EBNA1BP2: variants seen among roughly 807,000 people sequenced by gnomAD.
EBNA1BP2 encodes EBNA1 binding protein 2.
EBNA1BP2 carries 36 observed loss-of-function variants against 43.5 expected under a neutral mutation model. The observed-to-expected ratio is 0.83, with a 90% CI of 0.63 to 1.09. The LOEUF is 1.09. Ranked by LOEUF, EBNA1BP2 falls within the 50% of genes least tolerant of loss-of-function variation. The pLI is 0.00. For synonymous variants in EBNA1BP2, 127 were observed against 141.3 expected (o/e 0.90, Z 0.72); for missense variants, 332 against 379.1 (o/e 0.88, Z 1.03).
In EBNA1BP2 at chr1:43,168,980, T is replaced by A; in HGVS notation, c.496A>T (p.Lys166Ter). 1.2e-6 allele frequency: 2 copies of A among 1,614,164 alleles called. No individual in the cohort carries two copies. The highest frequency in any genetic ancestry group is 1.7e-6 in the Non-Finnish European group (2 of 1,180,028). ...TKQAAMERSE[K>*]AKQLRALRKY... ...CTAAGTGCTCGCAGTTGCTTAGCTT[T>A]TTCAGACCTCTCCATGGCAGCCTGT... Residue 166 changes from lysine to a stop codon, truncating the protein, a stop_gained, in exon 5 of 9, where the codon AAA becomes TAA. Transcript: ENST00000236051. LOFTEE classifies it high-confidence loss of function.
In EBNA1BP2 at chr1:43,167,245, G is replaced by T; in HGVS notation, c.538-10C>A. ...GAACCTCCGTTTGCACCTGTGATAT[G>T]AACACAAGGACCGTTACAGCCATTC... On this transcript the variant is annotated splice_polypyrimidine_tract_variant and intron_variant, in intron 5 of 8. Coordinates refer to ENST00000236051, the MANE Select transcript of EBNA1BP2 (RefSeq NM_006824.3). 2 of 1,613,850 alleles carry T rather than the reference G, an allele frequency of 1.2e-6. No individual in the cohort carries two copies. Among genetic ancestry groups the T allele is most frequent in the Non-Finnish European group, 1.7e-6 (2 of 1,179,824 alleles).
intron 4 of EBNA1BP2, among the ~76,000 whole-genome samples, chr1:43,169,280 T>C (rs1008374072): frequency 2.0e-5 from 3 of 152,178 alleles, no homozygotes; most frequent in Non-Finnish European, 2.9e-5. Flanking sequence ...AACTGCCTAT[T>C]TGTAGCCCAG....
Position 43,171,913 on chromosome 1 carries a change from C to G in EBNA1BP2, c.123G>C (p.Glu41Asp), listed in dbSNP as rs767768772. 2.5e-5 allele frequency: 41 copies of G among 1,614,048 alleles called. No individual in the cohort carries two copies. Among genetic ancestry groups the G allele is most frequent in the Non-Finnish European group, 3.2e-5 (38 of 1,180,002 alleles). ...CGTCGTTCACGGCCTTCTTCGGCCC[C>G]TCTAGCACGACATTGAGGCCTGGCT... is the stretch of plus-strand genomic sequence containing the variant. Reference protein sequence around the residue: ...LLKPGLNVVLEGPKKAVNDVN... With the variant: ...LLKPGLNVVLDGPKKAVNDVN... The change falls in exon 2 of 9, where the codon GAG (glutamate) becomes GAC (aspartate). Residue 41 changes from glutamate (E) to aspartate (D), a missense_variant. Coordinates refer to ENST00000236051, the MANE Select transcript of EBNA1BP2 (RefSeq NM_006824.3).
intron 7 of EBNA1BP2, among the ~76,000 whole-genome samples, chr1:43,165,339 T>A (rs1240153795): frequency 6.6e-6 from 1 of 152,180 alleles, no homozygotes; most frequent in East Asian, 1.9e-4. Context: ...ATTCACATCA[T>A]CTCCTGGACT....
Position 43,170,813 on chromosome 1 carries a change from C to G in EBNA1BP2, c.390G>C (p.Thr130=), listed in dbSNP as rs1049276. 0.24 allele frequency: 380,091 copies of G among 1,606,064 alleles called. 47,908 individuals are homozygous for G. Among genetic ancestry groups the G allele is most frequent in the Middle Eastern group, 0.27 (1,656 of 6,046 alleles). The change falls in exon 4 of 9, where the codon ACG becomes ACC. Residue 130 remains threonine (T), a synonymous_variant. Coordinates refer to ENST00000236051, the MANE Select transcript of EBNA1BP2 (RefSeq NM_006824.3). ...CCGCAAAATAATCAGTGGGTCGCTTCGTAGGGACTTTGAGCTGATGGAGGC... is the reference window on the plus strand; with the variant it reads ...CCGCAAAATAATCAGTGGGTCGCTTGGTAGGGACTTTGAGCTGATGGAGGC... The part of the protein sequence containing the change: ...LPRLHQLKVP[T]KRPTDYFAEM...
Position 43,172,249 on chromosome 1 carries a change from C to T in EBNA1BP2, c.-131G>A. 1 of 1,559,438 alleles carries T rather than the reference C, an allele frequency of 6.4e-7. No individual in the cohort carries two copies. The highest frequency in any genetic ancestry group is 2.4e-5 in the East Asian group (1 of 41,378). ...TACTCCCACGCCGTGGCTCCACGTGCCACCGAATCGCTCCAGCGCCAGCAA... is the reference window on the plus strand; with the variant it reads ...TACTCCCACGCCGTGGCTCCACGTGTCACCGAATCGCTCCAGCGCCAGCAA... On this transcript the variant is annotated 5_prime_UTR_variant, in exon 1 of 9. Transcript: ENST00000236051.
chr1:43,169,116 C>T (rs1221491642), intron 4 of EBNA1BP2, 88 bp from the exon 5 acceptor site: 2 of 1,372,904 alleles, frequency 1.5e-6, no homozygotes, highest in Non-Finnish European at 2.1e-6. Flanking sequence ...CAGATATTCC[C>T]TGTTCTTTAA....
At chr1:43,169,164 G>A (rs1644937033) in intron 4 of EBNA1BP2, 136 bp from the exon 5 acceptor site, 2 of 896,976 alleles carry the variant, frequency 2.2e-6, no homozygotes, top group Non-Finnish European at 1.8e-6. Context: ...CAACCCCTGA[G>A]GACAATGGGG....
chr1:43,172,212 C>A lies in EBNA1BP2; in HGVS notation c.-94G>T. The stretch of plus-strand genomic sequence containing the variant: ...GGGCGGCCCTGGCCGCTGCTGCCTG[C>A]CTTCAGCCCCCTACTCCCACGCCGT... On this transcript the variant is annotated 5_prime_UTR_variant, in exon 1 of 9. Coordinates refer to ENST00000236051, the MANE Select transcript of EBNA1BP2 (RefSeq NM_006824.3). 1.3e-6 allele frequency: 2 copies of A among 1,585,488 alleles called. No individual in the cohort carries two copies. Among genetic ancestry groups the A allele is most frequent in the Non-Finnish European group, 1.7e-6 (2 of 1,165,022 alleles).
chr1:43,172,260 C>A lies in EBNA1BP2; in HGVS notation c.-142G>T. On this transcript the variant is annotated 5_prime_UTR_variant, in exon 1 of 9. Transcript: ENST00000236051. ...CGTGGCTCCACGTGCCACCGAATCG[C>A]TCCAGCGCCAGCAACTCACAGCTAC... 1 of 1,556,350 alleles carries A rather than the reference C, an allele frequency of 6.4e-7. No homozygotes were observed. Among genetic ancestry groups the A allele is most frequent in the Non-Finnish European group, 8.7e-7 (1 of 1,149,334 alleles).
chr1:43,167,095 A>G (rs1180801966), intron 6 of EBNA1BP2, 65 bp downstream of exon 6: 4 of 1,563,532 alleles, frequency 2.6e-6, no homozygotes, highest in Middle Eastern at 1.7e-4. Flanking sequence ...GCTCCAAAGC[A>G]CTAAGTGTTC....
intron 7 of EBNA1BP2, 101 bp downstream of exon 7, chr1:43,166,725 C>CT (rs776922288): frequency 4.9e-5 from 60 of 1,221,218 alleles, no homozygotes; most frequent in Admixed American, 6.8e-5. Context: ...TCTCTGGACT[C>CT]TATGGCTGCG....
intron 7 of EBNA1BP2, among the ~76,000 whole-genome samples, chr1:43,166,080 A>G (rs1466038909): frequency 6.6e-6 from 1 of 152,188 alleles, no homozygotes; most frequent in Non-Finnish European, 1.5e-5. Flanking sequence ...AGAAAAAACA[A>G]TGAGAGCCCA....
rs1343816325 is a variant in EBNA1BP2 at position 43,172,069 on chromosome 1, A to AG, written c.49dup (p.Leu17ProfsTer52). The AG allele has an allele frequency of 6.2e-7, 1 of 1,614,054 alleles. No homozygotes were observed. Among genetic ancestry groups the AG allele is most frequent in the Non-Finnish European group, 8.5e-7 (1 of 1,180,054 alleles). ...GACACCTACCTCTCTGTCTGTGACA[A>AG]GGGATTCATCGGATTCCGACTCCGA... On this transcript the variant is annotated frameshift_variant, in exon 1 of 9. Transcript: ENST00000236051. LOFTEE classifies it high-confidence loss of function.
In EBNA1BP2 at chr1:43,164,301, G is replaced by A. The variant is rs145925598; in HGVS notation, c.*142C>T. 176 of 910,354 alleles carry A rather than the reference G, an allele frequency of 1.9e-4. 2 individuals carry two copies. The African/African-American group carries it at 2.2e-3, about 11-fold the overall frequency. The allele number at this position is 910,354 out of a possible 1,614,324, so 56.4% of individuals were successfully genotyped here. A position where few individuals can be genotyped will look rare whatever the true frequency, so the allele number is the denominator to read the frequency against. Reference sequence around the variant, plus strand: ...TTTTAGTCTAGACTATTTAACCAAAGGTATGTGTTCCTTTAATAATTTTTC... The same window carrying A: ...TTTTAGTCTAGACTATTTAACCAAAAGTATGTGTTCCTTTAATAATTTTTC... On this transcript the variant is annotated 3_prime_UTR_variant, in exon 9 of 9. Transcript: ENST00000236051.
At chr1:43,171,139 C>T (rs1407549237) in intron 3 of EBNA1BP2, 9 of 463,912 alleles carry the variant, frequency 1.9e-5, no homozygotes, top group Admixed American at 4.3e-5. Flanking sequence ...TTAACACAAA[C>T]GAATGTCGAT....
rs905893353 is a variant in EBNA1BP2 at position 43,171,463 on chromosome 1, T to C, written c.323+16A>G. 3.1e-6 allele frequency: 5 copies of C among 1,594,202 alleles called. No individual in the cohort carries two copies. The highest frequency in any genetic ancestry group is 2.3e-5 in the South Asian group (2 of 88,532). On this transcript the variant is annotated intron_variant, in intron 3 of 8. Transcript: ENST00000236051. ...CAAGGATCCTCAACTTCTCCAACAT[T>C]TGAAAACAAACATACAAACTCATCT...
At chr1:43,172,024 C>T (rs1569739114) in intron 1 of EBNA1BP2, 29 bp downstream of exon 1, 1 of 1,614,144 alleles carries the variant, frequency 6.2e-7, no homozygotes, top group East Asian at 2.2e-5. Context: ...TCTCCCACGC[C>T]CAGCCCCACG....
chr1:43,171,068 T>G (rs1644961624), intron 3 of EBNA1BP2, 189 bp from the exon 4 acceptor site: 1 of 793,812 alleles, frequency 1.3e-6, no homozygotes, highest in Middle Eastern at 4.1e-4. Context: ...TACTAGTTTT[T>G]AAAAAGGGGA....
Sources: gnomAD v4.1 joint callset for allele counts (sites outside exome capture counted in the v4.1 genomes callset) on GRCh38, gnomAD v4.1.1 for gene constraint, MANE v1.5 for transcripts, NCBI Gene and HGNC (gene_info 2026-07-23, HGNC 2026-07-21) for gene names.